Variants in PCDHGB3 observed in about 807,000 individuals in gnomAD.
PCDHGB3 encodes the protein protocadherin gamma-B3.
Under a neutral mutation model 59.2 loss-of-function variants are expected in PCDHGB3, and 40 were observed. The ratio of observed to expected loss-of-function variants is 0.68; its 90% CI spans 0.52 to 0.88. The LOEUF (loss-of-function observed/expected upper bound fraction) is 0.88, where lower values mean the gene tolerates loss of function less well. Ranked by LOEUF, PCDHGB3 falls within the 40% of genes least tolerant of loss-of-function variation. The probability of loss-of-function intolerance (pLI) is 0.00; values close to 1 mark genes in which losing one functional copy is unlikely to be tolerated. For synonymous variants in PCDHGB3, 581 were observed against 503.6 expected (o/e 1.15, Z -2.06); for missense variants, 1,309 against 1,187.9 (o/e 1.10, Z -1.50).
chr5:141,476,564 C>G lies in PCDHGB3; in HGVS notation c.2416-18243C>G, dbSNP rs2099393821. 1.2e-6 allele frequency: 2 copies of G among 1,614,196 alleles called. No individual in the cohort carries two copies. Among genetic ancestry groups the G allele is most frequent in the South Asian group, 1.1e-5 (1 of 91,086 alleles). ...ATTGGAGATTAGCGAGGCCGTGGCT[C>G]CGGGGACGCGCTTTCCGCTCGAGAG... On this transcript the variant is annotated intron_variant, in intron 1 of 3. Coordinates refer to ENST00000576222, the MANE Select transcript of PCDHGB3 (RefSeq NM_018924.5). This position sits in a 1 kb window ranked among gnomAD's most constrained non-coding sequence, Gnocchi z 7.6.
chr5:141,399,202 G>T, intron 1 of PCDHGB3: 1 of 1,613,914 alleles, frequency 6.2e-7, no homozygotes, highest in Non-Finnish European at 8.5e-7. Context: ...CGCGGTGCCT[G>T]GAACACTAAT....
At chr5:141,502,368 G>A (rs2099813930) in intron 2 of PCDHGB3, among the ~76,000 whole-genome samples, 1 of 151,996 alleles carries the variant, frequency 6.6e-6, no homozygotes, top group East Asian at 1.9e-4. Context: ...TATTTTTAAA[G>A]AGTCCAGGCC....
In PCDHGB3 at chr5:141,491,425, C is replaced by CA; in HGVS notation, c.2416-3381dup. The CA allele has an allele frequency of 6.2e-7, 1 of 1,614,076 alleles. No homozygotes were observed. The highest frequency in any genetic ancestry group is 8.5e-7 in the Non-Finnish European group (1 of 1,179,996). On this transcript the variant is annotated intron_variant, in intron 1 of 3. Coordinates refer to ENST00000576222, the MANE Select transcript of PCDHGB3 (RefSeq NM_018924.5). The surrounding 1 kb of genome is among the most constrained non-coding windows in gnomAD (Gnocchi z 6.9). ...CGCAGACGGGGACGGGGGTGGAGGG[C>CA]AGTGCTGCAGGCGCCAGGACTCACC...
At chr5:141,460,453 A>G (rs1487816393) in intron 1 of PCDHGB3, among the ~76,000 whole-genome samples, 1 of 152,152 alleles carries the variant, frequency 6.6e-6, no homozygotes, top group Non-Finnish European at 1.5e-5. Flanking sequence ...ATGAAGATTC[A>G]TATTTTTTTC....
Position 141,485,605 on chromosome 5 carries a change from G to A in PCDHGB3, c.2416-9202G>A. On this transcript the variant is annotated intron_variant, in intron 1 of 3. Transcript: ENST00000576222. This position sits in a 1 kb window ranked among gnomAD's most constrained non-coding sequence, Gnocchi z 5.7. The stretch of plus-strand genomic sequence containing the variant: ...AGCAGCTGGACTTGGAAATTGGGGA[G>A]GCAGCTCCTCCAGGACAGCGTTTCC... 6.2e-7 allele frequency: 1 copy of A among 1,612,448 alleles called. No homozygotes were observed. Among genetic ancestry groups the A allele is most frequent in the Non-Finnish European group, 8.5e-7 (1 of 1,178,750 alleles).
At chr5:141,450,627 C>T (rs947866993) in intron 1 of PCDHGB3, among the ~76,000 whole-genome samples, 13 of 151,592 alleles carry the variant, frequency 8.6e-5, no homozygotes, top group African/African-American at 3.2e-4. Context: ...GCTGGGATTA[C>T]AGATGCCTGC....
chr5:141,412,898 C>T (rs1300324880), intron 1 of PCDHGB3: 2 of 361,136 alleles, frequency 5.5e-6, no homozygotes, highest in Non-Finnish European at 9.8e-6. Context: ...AGTTTACTTT[C>T]CATTGCATGT....
At chr5:141,488,208 C>T (rs2099672939) in intron 1 of PCDHGB3, among the ~76,000 whole-genome samples, 1 of 152,152 alleles carries the variant, frequency 6.6e-6, no homozygotes, top group African/African-American at 2.4e-5. Flanking sequence ...GGACTCATAT[C>T]AAGTCCCTAC....
chr5:141,423,864 G>A (rs180692491), intron 1 of PCDHGB3: 551 of 1,284,224 alleles, frequency 4.3e-4, no homozygotes, highest in Non-Finnish European at 5.0e-4. Context: ...TTTTGTGAAA[G>A]TCATTTTTCA....
Position 141,490,311 on chromosome 5 carries a change from C to T in PCDHGB3, c.2416-4496C>T. 6.2e-7 allele frequency: 1 copy of T among 1,614,200 alleles called. No individual in the cohort carries two copies. The highest frequency in any genetic ancestry group is 8.5e-7 in the Non-Finnish European group (1 of 1,180,018). On this transcript the variant is annotated intron_variant, in intron 1 of 3. Coordinates refer to ENST00000576222, the MANE Select transcript of PCDHGB3 (RefSeq NM_018924.5). This position sits in a 1 kb window ranked among gnomAD's most constrained non-coding sequence, Gnocchi z 5.4. ...AGGTGCTATTGGCCTCTTTGGCCAA[C>T]CCTGTCCTAGAGAGCACACCAGTGG...
Position 141,410,843 on chromosome 5 carries a change from CTT to C in PCDHGB3, c.2415+38036_2415+38037del, listed in dbSNP as rs1452086070. 5.3e-4 allele frequency: 115 copies of C among 216,326 alleles called. 1 individual carries two copies. In the East Asian group the frequency reaches 7.7e-3, roughly 14 times the overall value. 13.4% of individuals were successfully genotyped at this position (216,326 alleles called of 1,614,324 possible). A position where few individuals can be genotyped will look rare whatever the true frequency, so the allele number is the denominator to read the frequency against. The stretch of plus-strand genomic sequence containing the variant: ...TGTCACCAGACTGAAGATATTTTGT[CTT>C]TGTCTTTTTTTTTTTTTTTTTTTTT... On this transcript the variant is annotated intron_variant, in intron 1 of 3. Transcript: ENST00000576222.
intron 1 of PCDHGB3, among the ~76,000 whole-genome samples, chr5:141,442,879 A>T (rs1399128822): frequency 6.6e-6 from 1 of 152,256 alleles, no homozygotes; most frequent in Non-Finnish European, 1.5e-5. Flanking sequence ...TTTACAACTC[A>T]GAATCCCTGC....
intron 1 of PCDHGB3, chr5:141,388,375 G>A (rs2091339163): frequency 7.4e-6 from 12 of 1,613,962 alleles, no homozygotes; most frequent in Non-Finnish European, 1.0e-5. Flanking sequence ...GATATTGGTA[G>A]CAACACACTG....
In PCDHGB3 at chr5:141,489,077, C is replaced by CCCCCCACCGGG; in HGVS notation, c.2416-5730_2416-5729insCCCCCACCGGG. ...AGCTCCCCTCCCCCCTGCCCACCCCCGCCACTCGGTGACTAAGAACTGCTG... is the reference window on the plus strand; with the variant it reads ...AGCTCCCCTCCCCCCTGCCCACCCCCCCCCCACCGGGGCCACTCGGTGACTAAGAACTGCTG... On this transcript the variant is annotated intron_variant, in intron 1 of 3. Transcript: ENST00000576222. The surrounding 1 kb of genome is among the most constrained non-coding windows in gnomAD (Gnocchi z 4.5). 6.1e-6 allele frequency: 2 copies of CCCCCCACCGGG among 325,756 alleles called. No individual in the cohort carries two copies. Among genetic ancestry groups the CCCCCCACCGGG allele is most frequent in the Non-Finnish European group, 5.5e-6 (1 of 181,460 alleles). The allele number at this position is 325,756 out of a possible 1,614,324, so 20.2% of individuals were successfully genotyped here.
intron 1 of PCDHGB3, among the ~76,000 whole-genome samples, chr5:141,461,181 A>T (rs1322465700): frequency 1.3e-5 from 2 of 152,104 alleles, no homozygotes; most frequent in Non-Finnish European, 2.9e-5. Flanking sequence ...ATTGAATGGT[A>T]GATCTGTTTT....
Position 141,388,371 on chromosome 5 carries a change from G to C in PCDHGB3, c.2415+15562G>C, listed in dbSNP as rs757960562. ...AGGATCTGCCCATGATGCGGATATT[G>C]GTAGCAACACACTGCAGAATTACCA... On this transcript the variant is annotated intron_variant, in intron 1 of 3. Transcript: ENST00000576222. 3.8e-5 allele frequency: 61 copies of C among 1,613,854 alleles called. No homozygotes were observed. In the South Asian group the frequency reaches 6.1e-4, roughly 16 times the overall value.
intron 1 of PCDHGB3, chr5:141,409,619 C>A: frequency 6.2e-7 from 1 of 1,613,898 alleles, no homozygotes; most frequent in Non-Finnish European, 8.5e-7. Flanking sequence ...CTCCATTGCG[C>A]AAGTGAGCGC....
intron 1 of PCDHGB3, among the ~76,000 whole-genome samples, chr5:141,446,482 C>CT (rs112180482): frequency 6.3e-4 from 92 of 147,004 alleles, no homozygotes; most frequent in East Asian, 4.0e-3. Context: ...GGTCATCATT[C>CT]TTTTTTTTTT....
At chr5:141,446,390 G>A (rs2098500089) in intron 1 of PCDHGB3, among the ~76,000 whole-genome samples, 1 of 152,284 alleles carries the variant, frequency 6.6e-6, no homozygotes, top group African/African-American at 2.4e-5. Context: ...ATAGATTTAA[G>A]AGAAATCGAG....
Sources: gnomAD v4.1 joint callset for allele counts (sites outside exome capture counted in the v4.1 genomes callset) on GRCh38, gnomAD v4.1.1 for gene constraint, Gnocchi (gnomAD v3.1) non-coding constraint, MANE v1.5 for transcripts, NCBI Gene and HGNC (gene_info 2026-07-23, HGNC 2026-07-21) for gene names.